Variants in MIB1 observed in about 807,000 individuals in gnomAD.
The protein encoded by MIB1 is MIB E3 ubiquitin protein ligase 1.
MIB1 carries 278 observed loss-of-function variants against 124.5 expected under a neutral mutation model. The ratio of observed to expected loss-of-function variants is 2.23; its 90% CI spans 2.02 to 2.47. The LOEUF (loss-of-function observed/expected upper bound fraction) is 2.47. MIB1 is among the 30% of genes most tolerant of loss of function. MIB1 has a pLI of 0.00. For missense variants in MIB1, 957 were observed against 1,254.4 expected, an observed-to-expected ratio of 0.76 and a Z score of 3.58; for synonymous variants, 446 against 429.4, an observed-to-expected ratio of 1.04 and a Z score of -0.48.
Position 21,815,735 on chromosome 18 carries a change from A to ACTT in MIB1, c.1601_1603dup (p.Leu534dup). On this transcript the variant is annotated inframe_insertion, in exon 11 of 21. Coordinates refer to ENST00000261537, the MANE Select transcript of MIB1 (RefSeq NM_020774.4). ...CTCGAAACAAGCGCCGACAGACACCACTTCATATTGCTGTCAATAAAGGTC... is the reference window on the plus strand; with the variant it reads ...CTCGAAACAAGCGCCGACAGACACCACTTCTTCATATTGCTGTCAATAAAGGTC... 1 of 1,614,154 alleles carries ACTT rather than the reference A, an allele frequency of 6.2e-7. No individual in the cohort carries two copies. The highest frequency in any genetic ancestry group is 8.5e-7 in the Non-Finnish European group (1 of 1,180,010).
In MIB1 at chr18:21,741,532, GGCA is replaced by G. The variant is rs971880812; in HGVS notation, c.-49_-47del. ...CCAACTCCCTCACGGGCCCCCCGGC[GGCA>G]GCGGCGGCGGCGGCGGCGGCAGCGG... On this transcript the variant is annotated 5_prime_UTR_variant, in exon 1 of 21. Coordinates refer to ENST00000261537, the MANE Select transcript of MIB1 (RefSeq NM_020774.4). This position sits in a 1 kb window ranked among gnomAD's most constrained non-coding sequence, Gnocchi z 5.4. 1.6e-6 allele frequency: 2 copies of G among 1,270,902 alleles called. No individual in the cohort carries two copies. The highest frequency in any genetic ancestry group is 4.3e-5 in the Admixed American group (1 of 23,000). 78.7% of individuals were successfully genotyped at this position (1,270,902 alleles called of 1,614,324 possible). A position where few individuals can be genotyped will look rare whatever the true frequency, so the allele number is the denominator to read the frequency against.
chr18:21,843,360 A>C lies in MIB1; in HGVS notation c.2049+143A>C, dbSNP rs2042108650. On this transcript the variant is annotated intron_variant, in intron 14 of 20. Coordinates refer to ENST00000261537, the MANE Select transcript of MIB1 (RefSeq NM_020774.4). Reference sequence around the variant, plus strand: ...TAAGTAAATCTAAATATCTAAATACAATGTGATCTGCCAAGACAGATGAGA... The same window carrying C: ...TAAGTAAATCTAAATATCTAAATACCATGTGATCTGCCAAGACAGATGAGA... The C allele has an allele frequency of 9.2e-6, 5 of 542,976 alleles. No individual in the cohort carries two copies. The South Asian group carries it at 1.1e-4, about 12-fold the overall frequency. 33.6% of individuals were successfully genotyped at this position (542,976 alleles called of 1,614,324 possible).
intron 17 of MIB1, among the ~76,000 whole-genome samples, chr18:21,850,060 G>A (rs990973620): frequency 3.3e-5 from 5 of 152,118 alleles, no homozygotes; most frequent in African/African-American, 1.2e-4. Flanking sequence ...CCTGTAATTA[G>A]TGATGGCCAA....
chr18:21,825,713 A>G (rs1296628341), intron 12 of MIB1: 1 of 532,228 alleles, frequency 1.9e-6, no homozygotes, highest in Admixed American at 2.0e-5. Context: ...GCATAGCTAC[A>G]GCTGGTTGAA....
At chr18:21,832,468 A>AT (rs1474605056) in intron 12 of MIB1, among the ~76,000 whole-genome samples, 1 of 152,148 alleles carries the variant, frequency 6.6e-6, no homozygotes, top group Non-Finnish European at 1.5e-5. Context: ...TGATACTGAA[A>AT]TTTTTTTAAT....
intron 18 of MIB1, among the ~76,000 whole-genome samples, chr18:21,855,357 G>A (rs1375288508): frequency 2.0e-5 from 3 of 152,162 alleles, no homozygotes; most frequent in Non-Finnish European, 2.9e-5. Context: ...TGGAGGTGCT[G>A]AAGAAAGATT....
intron 7 of MIB1, among the ~76,000 whole-genome samples, chr18:21,795,341 A>G (rs1164665140): frequency 1.4e-5 from 2 of 141,994 alleles, no homozygotes; most frequent in African/African-American, 5.3e-5. Flanking sequence ...TATATAATAT[A>G]TATAATATAT....
intron 9 of MIB1, among the ~76,000 whole-genome samples, chr18:21,803,387 A>C (rs1406997210): frequency 1.3e-5 from 2 of 152,186 alleles, no homozygotes; most frequent in Non-Finnish European, 2.9e-5. Flanking sequence ...AAAGGTTGGA[A>C]ATTACTGCTT....
Position 21,808,257 on chromosome 18 carries a change from T to G in MIB1, c.1479+4243T>G, listed in dbSNP as rs537895286. ...TTTTTATATGCATTAGGAAGTAGGC[T>G]CAAGAGAGTATAGATCAGGGTCTGC... On this transcript the variant is annotated intron_variant, in intron 10 of 20. Transcript: ENST00000261537. Among the ~76,000 whole-genome samples, 3 of 152,254 alleles carry G rather than the reference T, an allele frequency of 2.0e-5. No individual in the cohort carries two copies. In the South Asian group the frequency reaches 6.2e-4, roughly 32 times the overall value.
chr18:21,765,702 T>C (rs1598599379), intron 1 of MIB1, 70 bp from the exon 2 acceptor site: 1 of 1,449,682 alleles, frequency 6.9e-7, no homozygotes, highest in East Asian at 2.3e-5. Flanking sequence ...CTTATTTTTT[T>C]CCCCCAAGGA....
At chr18:21,850,714 G>A (rs1177797453) in intron 17 of MIB1, among the ~76,000 whole-genome samples, 1 of 152,080 alleles carries the variant, frequency 6.6e-6, no homozygotes, top group Non-Finnish European at 1.5e-5. Context: ...ACACTGTGTT[G>A]GCATTTCATT....
intron 10 of MIB1, among the ~76,000 whole-genome samples, chr18:21,815,250 C>G (rs1397971513): frequency 6.6e-6 from 1 of 151,494 alleles, no homozygotes; most frequent in Non-Finnish European, 1.5e-5. Context: ...CTCACTGTAA[C>G]TTGAAACTCC....
chr18:21,768,588 TA>T, intron 2 of MIB1, 34 bp from the exon 3 acceptor site: 1 of 1,405,896 alleles, frequency 7.1e-7, no homozygotes, highest in Non-Finnish European at 9.6e-7. Flanking sequence ...TACCTATTTT[TA>T]TATAAACTTG....
chr18:21,819,484 T>A lies in MIB1; in HGVS notation c.1678-11T>A. ...ATTGAAGAACTAATGAAAATTTCTTTAAACTTAAAGGATTCTGAAGGTGAT... is the reference window on the plus strand; with the variant it reads ...ATTGAAGAACTAATGAAAATTTCTTAAAACTTAAAGGATTCTGAAGGTGAT... On this transcript the variant is annotated splice_polypyrimidine_tract_variant and intron_variant, in intron 11 of 20. Transcript: ENST00000261537. 1 of 1,567,782 alleles carries A rather than the reference T, an allele frequency of 6.4e-7. No individual in the cohort carries two copies. The highest frequency in any genetic ancestry group is 8.7e-7 in the Non-Finnish European group (1 of 1,149,618).
chr18:21,832,615 A>G (rs1320240985), intron 12 of MIB1, among the ~76,000 whole-genome samples: 4 of 152,182 alleles, frequency 2.6e-5, no homozygotes, highest in African/African-American at 7.2e-5. Context: ...GAAACAAGAA[A>G]AACTATTACG....
chr18:21,790,000 A>G (rs1481717044), intron 6 of MIB1, among the ~76,000 whole-genome samples: 1 of 152,228 alleles, frequency 6.6e-6, no homozygotes, highest in Non-Finnish European at 1.5e-5. Context: ...AATATTAAGT[A>G]GTCATTAAAA....
chr18:21,721,312 C>G (rs2040715035), intron 1 of MIB1, among the ~76,000 whole-genome samples: 1 of 150,842 alleles, frequency 6.6e-6, no homozygotes. Context: ...TCCTAAGTAG[C>G]TGGGATTACA....
upstream of MIB1, among the ~76,000 whole-genome samples, chr18:21,739,053 CAGA>C (rs754709139): frequency 7.3e-5 from 11 of 151,112 alleles, no homozygotes; most frequent in East Asian, 3.9e-4. Context: ...CAGACTAATG[CAGA>C]AGAAGAGAGA....
At chr18:21,843,329 T>G in intron 14 of MIB1, 112 bp downstream of exon 14, 1 of 622,070 alleles carries the variant, frequency 1.6e-6, no homozygotes, top group Non-Finnish European at 2.6e-6. Flanking sequence ...CTGGCATAGT[T>G]AGATATAAGT....
Sources: allele counts gnomAD v4.1 joint callset (sites outside exome capture counted in the v4.1 genomes callset), GRCh38; gene constraint gnomAD v4.1.1; non-coding constraint Gnocchi (gnomAD v3.1); transcripts MANE v1.5; gene names NCBI Gene and HGNC (gene_info 2026-07-23, HGNC 2026-07-21).